CTNNBIP1: variants seen among roughly 807,000 people sequenced by gnomAD.
The protein encoded by CTNNBIP1 is catenin beta interacting protein 1, also known as beta-catenin-interacting protein 1.
A neutral mutation model predicts 11.8 loss-of-function variants in CTNNBIP1; 7 were observed. That is an observed-to-expected ratio of 0.60 (90% confidence interval 0.34 to 1.12). CTNNBIP1 has a LOEUF of 1.12. Among genes scored for constraint, CTNNBIP1 ranks in the 50% most tolerant of loss-of-function variants. The pLI, the probability that CTNNBIP1 is intolerant of heterozygous loss-of-function variation, is 0.03. For synonymous variants in CTNNBIP1, 58 were observed against 43.9 expected (o/e 1.32, Z -1.26); for missense variants, 101 against 113.4 (o/e 0.89, Z 0.50).
At chr1:9,860,428 TAAAAA>T (rs58165059) in intron 5 of CTNNBIP1, among the ~76,000 whole-genome samples, 3 of 45,550 alleles carry the variant, frequency 6.6e-5, no homozygotes, top group South Asian at 8.0e-4. Context: ...CCGTCTCTAC[TAAAAA>T]AAAAAAAAAA....
At chr1:9,902,283 G>A (rs573466367) in intron 1 of CTNNBIP1, among the ~76,000 whole-genome samples, 1 of 152,124 alleles carries the variant, frequency 6.6e-6, no homozygotes, top group Non-Finnish European at 1.5e-5. Flanking sequence ...GACAAGGTCT[G>A]GCGCCTGTTA....
intron 5 of CTNNBIP1, among the ~76,000 whole-genome samples, chr1:9,864,723 A>T (rs1249221538): frequency 6.6e-6 from 1 of 152,258 alleles, no homozygotes; most frequent in Non-Finnish European, 1.5e-5. Context: ...GAGGCCTGGA[A>T]CTGTACTTGC....
chr1:9,894,882 A>AAGT (rs976893024), intron 1 of CTNNBIP1, among the ~76,000 whole-genome samples: 55 of 148,632 alleles, frequency 3.7e-4, no homozygotes, highest in African/African-American at 1.3e-3. Context: ...CTAGGATCAC[A>AAGT]AGTGTGACTG....
Position 9,872,064 on chromosome 1 carries a change from T to TC in CTNNBIP1, c.-1dup. 2 of 1,613,032 alleles carry TC rather than the reference T, an allele frequency of 1.2e-6. No homozygotes were observed. Among genetic ancestry groups the TC allele is most frequent in the Non-Finnish European group, 1.7e-6 (2 of 1,179,110 alleles). The stretch of plus-strand genomic sequence containing the variant: ...TTCCCGGGAGCTCCCTCGCGGTTCA[T>TC]CCCCCTGCCTGGCTCTGGGGACTCC... On this transcript the variant is annotated 5_prime_UTR_variant, in exon 4 of 6. Transcript: ENST00000377263. The surrounding 1 kb of genome is among the most constrained non-coding windows in gnomAD (Gnocchi z 4.0).
At chr1:9,901,546 A>C (rs937128428) in intron 1 of CTNNBIP1, among the ~76,000 whole-genome samples, 1 of 152,194 alleles carries the variant, frequency 6.6e-6, no homozygotes, top group Non-Finnish European at 1.5e-5. Flanking sequence ...ACAGGATTCC[A>C]GCAGCAGAAA....
At chr1:9,893,222 TCAGGAGAGTAGCCA>T (rs945507690) in intron 1 of CTNNBIP1, 8 of 151,920 alleles carry the variant, frequency 5.3e-5, no homozygotes, top group African/African-American at 1.9e-4. Flanking sequence ...ACAGACAAGC[TCAGGAGAGTAGCCA>T]CAGGGGCGGC....
At position 9,883,134 on chromosome 1, in the gene CTNNBIP1, T is replaced by A. The variant is rs989413272; in HGVS notation, c.-110+571A>T. Among the ~76,000 whole-genome samples, 3 of 151,766 alleles carry A rather than the reference T, an allele frequency of 2.0e-5. No homozygotes were observed. The highest frequency in any genetic ancestry group is 6.6e-5 in the Admixed American group (1 of 15,236). ...CAGCGGGACGGCGCAGGAGGGTAGG[T>A]CAGGGACCGGGGGAGCCTCTCTCTG... On this transcript the variant is annotated intron_variant, in intron 2 of 5. Coordinates refer to ENST00000377263, the MANE Select transcript of CTNNBIP1 (RefSeq NM_020248.3). The surrounding 1 kb of genome is among the most constrained non-coding windows in gnomAD (Gnocchi z 5.6).
At position 9,871,377 on chromosome 1, in the gene CTNNBIP1, T is replaced by C. The variant is rs144389594; in HGVS notation, c.97-100A>G. 1.4e-4 allele frequency: 121 copies of C among 875,104 alleles called. No individual in the cohort carries two copies. The African/African-American group carries it at 1.9e-3, about 14-fold the overall frequency. The allele number at this position is 875,104 out of a possible 1,614,324, so 54.2% of individuals were successfully genotyped here. A position where few individuals can be genotyped will look rare whatever the true frequency, so the allele number is the denominator to read the frequency against. ...CCGCCTAGGCCTGCTTGGTCCCTGC[T>C]TGGTCCCTGCTCGGGCTTCTGTTTC... On this transcript the variant is annotated intron_variant, in intron 4 of 5. Transcript: ENST00000377263. This position sits in a 1 kb window ranked among gnomAD's most constrained non-coding sequence, Gnocchi z 5.2.
intron 5 of CTNNBIP1, among the ~76,000 whole-genome samples, chr1:9,869,124 C>T (rs985587416): frequency 1.3e-5 from 2 of 151,668 alleles, no homozygotes; most frequent in African/African-American, 4.8e-5. Flanking sequence ...CTCAGCCTCC[C>T]TAGTAGCTAG....
intron 2 of CTNNBIP1, among the ~76,000 whole-genome samples, chr1:9,882,236 G>A (rs1333190127): frequency 1.3e-5 from 2 of 152,188 alleles, no homozygotes; most frequent in African/African-American, 2.4e-5. Flanking sequence ...AGACACAGAA[G>A]TTCAGCGAAC....
chr1:9,884,829 G>A (rs189848405), intron 1 of CTNNBIP1, among the ~76,000 whole-genome samples: 15 of 152,242 alleles, frequency 9.9e-5, no homozygotes, highest in South Asian at 2.1e-4. Context: ...GAGCAAAGAC[G>A]GGAAGACAGT....
chr1:9,898,479 G>A (rs907614758), intron 1 of CTNNBIP1, among the ~76,000 whole-genome samples: 3 of 152,026 alleles, frequency 2.0e-5, no homozygotes, highest in African/African-American at 7.2e-5. Flanking sequence ...AGCCAAGATC[G>A]TGCCACTGCA....
At chr1:9,907,050 C>A (rs1639633050) in intron 1 of CTNNBIP1, among the ~76,000 whole-genome samples, 1 of 152,206 alleles carries the variant, frequency 6.6e-6, no homozygotes, top group African/African-American at 2.4e-5. Flanking sequence ...GACACAGACG[C>A]TTAACCATAA....
rs529526388 is a variant in CTNNBIP1, at chr1:9,887,633, G to A, written c.-143-3895C>T. The stretch of plus-strand genomic sequence containing the variant: ...CAAGAGAATTGCTTGAACCCAGGAG[G>A]CAGAGGTTGCAGTGAGCTGAGATCT... On this transcript the variant is annotated intron_variant, in intron 1 of 5. Coordinates refer to ENST00000377263, the MANE Select transcript of CTNNBIP1 (RefSeq NM_020248.3). 9.9e-5 allele frequency among the ~76,000 whole-genome samples: 15 copies of A among 151,858 alleles called. No homozygotes were observed. In the South Asian group the frequency reaches 3.1e-3, roughly 32 times the overall value.
At chr1:9,886,481 G>T (rs145949818) in intron 1 of CTNNBIP1, among the ~76,000 whole-genome samples, 1 of 152,232 alleles carries the variant, frequency 6.6e-6, no homozygotes. Context: ...CAGCTGACAC[G>T]TACTCTGGCT....
chr1:9,849,377 G>GGA lies in CTNNBIP1; in HGVS notation c.*1339_*1340dup, dbSNP rs1291203036. ...GATACTGTCCCTTCCAGGCTGACCT[G>GGA]GAGAGAGACCCTTCCAAAGGCAGTG... On this transcript the variant is annotated 3_prime_UTR_variant, in exon 6 of 6. Coordinates refer to ENST00000377263, the MANE Select transcript of CTNNBIP1 (RefSeq NM_020248.3). 1 of 152,334 alleles carries GGA rather than the reference G, an allele frequency of 6.6e-6. No homozygotes were observed. Among genetic ancestry groups the GGA allele is most frequent in the African/African-American group, 2.4e-5 (1 of 41,460 alleles). The allele number at this position is 152,334 out of a possible 1,614,324, so 9.4% of individuals were successfully genotyped here. A position where few individuals can be genotyped will look rare whatever the true frequency, so the allele number is the denominator to read the frequency against.
At position 9,867,525 on chromosome 1, in the gene CTNNBIP1, C is replaced by T. The variant is rs534609613; in HGVS notation, c.187+3662G>A. ...AAAGGTGGCGGCCAGACCCTCAGGACCAAGGTCGGGTGCTGTCCGTTGGAG... is the reference window on the plus strand; with the variant it reads ...AAAGGTGGCGGCCAGACCCTCAGGATCAAGGTCGGGTGCTGTCCGTTGGAG... On this transcript the variant is annotated intron_variant, in intron 5 of 5. Coordinates refer to ENST00000377263, the MANE Select transcript of CTNNBIP1 (RefSeq NM_020248.3). The surrounding 1 kb of genome is among the most constrained non-coding windows in gnomAD (Gnocchi z 4.6). Among the ~76,000 whole-genome samples, 20 of 152,298 alleles carry T rather than the reference C, an allele frequency of 1.3e-4. No individual in the cohort carries two copies. The highest frequency in any genetic ancestry group is 2.4e-4 in the Non-Finnish European group (16 of 68,000).
chr1:9,850,906 A>C (rs902678681), intron 5 of CTNNBIP1, 130 bp from the exon 6 acceptor site: 1 of 832,312 alleles, frequency 1.2e-6, no homozygotes, highest in African/African-American at 1.7e-5. Flanking sequence ...AGGACAAAGT[A>C]CTTCCGAGGA....
chr1:9,858,254 G>A (rs563029225), intron 5 of CTNNBIP1, among the ~76,000 whole-genome samples: 41 of 152,172 alleles, frequency 2.7e-4, no homozygotes, highest in African/African-American at 9.6e-4. Flanking sequence ...AACTGCCAGG[G>A]GGAAGTTGTT....
Sources: gnomAD v4.1 joint callset for allele counts (sites outside exome capture counted in the v4.1 genomes callset) on GRCh38, gnomAD v4.1.1 for gene constraint, Gnocchi (gnomAD v3.1) non-coding constraint, MANE v1.5 for transcripts, NCBI Gene and HGNC (gene_info 2026-07-23, HGNC 2026-07-21) for gene names.